The following ARMC9 variants were observed in gnomAD, a reference collection of about 807,000 sequenced individuals.
ARMC9 encodes the protein armadillo repeat containing 9.
A neutral mutation model predicts 107.0 loss-of-function variants in ARMC9; 94 were observed. That is an observed-to-expected ratio of 0.88 (90% CI 0.74 to 1.04). The LOEUF (loss-of-function observed/expected upper bound fraction) is 1.04, where lower values mean the gene tolerates loss of function less well. Ranked by LOEUF, ARMC9 falls within the 50% of genes least tolerant of loss-of-function variation. The pLI, the probability that ARMC9 is intolerant of heterozygous loss-of-function variation, is 0.00. For synonymous variants in ARMC9, 380 were observed against 396.9 expected (o/e 0.96, Z 0.51); for missense variants, 942 against 1,030.1 (o/e 0.91, Z 1.17).
At chr2:231,307,245 A>T (rs1319177118) in intron 19 of ARMC9, among the ~76,000 whole-genome samples, 1 of 152,202 alleles carries the variant, frequency 6.6e-6, no homozygotes. Flanking sequence ...AGTATAGGTG[A>T]GGTGGCATAA....
intron 21 of ARMC9, among the ~76,000 whole-genome samples, chr2:231,352,815 A>C (rs1160511608): frequency 6.7e-6 from 1 of 149,566 alleles, no homozygotes; most frequent in African/African-American, 2.6e-5. Context: ...TTGTTGCAAT[A>C]TTATTCATAA....
intron 10 of ARMC9, among the ~76,000 whole-genome samples, chr2:231,257,837 A>G (rs1029754883): frequency 1.3e-5 from 2 of 152,182 alleles, no homozygotes; most frequent in African/African-American, 4.8e-5. Flanking sequence ...TAGACTGCAA[A>G]CCTCATTTAG....
chr2:231,254,648 A>G (rs568465247), intron 9 of ARMC9, among the ~76,000 whole-genome samples: 1 of 151,422 alleles, frequency 6.6e-6, no homozygotes, highest in Non-Finnish European at 1.5e-5. Flanking sequence ...GTGAGACCCT[A>G]TCTATAAAAA....
intron 18 of ARMC9, chr2:231,293,762 C>T (rs1489287496): frequency 6.6e-6 from 1 of 152,158 alleles, no homozygotes; most frequent in African/African-American, 2.4e-5. Flanking sequence ...ATCTCAAGCA[C>T]CTAAGTTATT....
At chr2:231,296,073 C>A in intron 18 of ARMC9, 125 bp from the exon 19 acceptor site, 1 of 596,120 alleles carries the variant, frequency 1.7e-6, no homozygotes, top group Non-Finnish European at 2.9e-6. Flanking sequence ...TGGTTAGGAG[C>A]ATGATGACTT....
At chr2:231,327,964 T>C (rs2043445272) in intron 19 of ARMC9, among the ~76,000 whole-genome samples, 1 of 152,166 alleles carries the variant, frequency 6.6e-6, no homozygotes, top group Non-Finnish European at 1.5e-5. Context: ...TTTGTTTTTT[T>C]CGTAGAGACG....
chr2:231,369,757 C>A (rs992647864), intron 23 of ARMC9, among the ~76,000 whole-genome samples, 196 bp from the exon 24 acceptor site: 1 of 151,494 alleles, frequency 6.6e-6, no homozygotes, highest in Non-Finnish European at 1.5e-5. Flanking sequence ...CCGCGCCCGG[C>A]TAATTTTTGA....
chr2:231,307,358 T>C (rs2042091926), intron 19 of ARMC9, among the ~76,000 whole-genome samples: 1 of 152,114 alleles, frequency 6.6e-6, no homozygotes, highest in Non-Finnish European at 1.5e-5. Context: ...TTAGGGCAGG[T>C]GGATAATGGC....
intron 12 of ARMC9, chr2:231,270,607 A>G (rs779885666): frequency 2.1e-6 from 1 of 478,960 alleles, no homozygotes. Flanking sequence ...CTTTTTTAAC[A>G]GTCCATTTAT....
chr2:231,282,234 G>T, intron 17 of ARMC9, 101 bp downstream of exon 17: 1 of 1,206,582 alleles, frequency 8.3e-7, no homozygotes, highest in Non-Finnish European at 1.2e-6. Flanking sequence ...GAAAGGCTCA[G>T]ATCCGTTCCA....
intron 9 of ARMC9, among the ~76,000 whole-genome samples, chr2:231,246,812 A>C (rs1559346558): frequency 6.6e-6 from 1 of 152,062 alleles, no homozygotes; most frequent in Non-Finnish European, 1.5e-5. Context: ...GAACACATAC[A>C]GAGCTTTTTT....
intron 23 of ARMC9, among the ~76,000 whole-genome samples, chr2:231,363,434 C>T (rs1210450635): frequency 2.0e-5 from 3 of 152,048 alleles, no homozygotes; most frequent in East Asian, 3.9e-4. Flanking sequence ...CCAGGAAGCC[C>T]TTGGGGCAGA....
rs143834687 is a variant in ARMC9, at chr2:231,353,666, C to G, written c.1995-2132C>G. Among the ~76,000 whole-genome samples the G allele has an allele frequency of 5.4e-3, 822 of 151,782 alleles. 9 individuals are homozygous for G. The highest frequency in any genetic ancestry group is 0.019 in the African/African-American group (773 of 41,048). Reference sequence around the variant, plus strand: ...CCCACCCCGTCCTGCCCACCACTGGCCTTCACGGCTCAGGGAGTTCCTCCT... The same window carrying G: ...CCCACCCCGTCCTGCCCACCACTGGGCTTCACGGCTCAGGGAGTTCCTCCT... On this transcript the variant is annotated intron_variant, in intron 21 of 24. Transcript: ENST00000611582.
At chr2:231,288,312 C>A (rs1462931132) in intron 17 of ARMC9, among the ~76,000 whole-genome samples, 1 of 152,084 alleles carries the variant, frequency 6.6e-6, no homozygotes, top group African/African-American at 2.4e-5. Flanking sequence ...GAAGGAAATA[C>A]TTCAGAATGT....
chr2:231,199,219 G>A (rs1317203230), intron 1 of ARMC9, among the ~76,000 whole-genome samples: 2 of 152,204 alleles, frequency 1.3e-5, no homozygotes, highest in African/African-American at 4.8e-5. Context: ...GAATTCAAAA[G>A]CTGCCGCTGC....
chr2:231,200,485 C>T (rs529297504), intron 1 of ARMC9, among the ~76,000 whole-genome samples: 1 of 152,276 alleles, frequency 6.6e-6, no homozygotes, highest in South Asian at 2.1e-4. Context: ...CCAGCCTGGC[C>T]AACCTGGTGA....
At chr2:231,205,442 T>C (rs2031828250) in intron 1 of ARMC9, among the ~76,000 whole-genome samples, 1 of 152,190 alleles carries the variant, frequency 6.6e-6, no homozygotes, top group Non-Finnish European at 1.5e-5. Flanking sequence ...CTTCAGTGAG[T>C]TGTCTCAGAT....
chr2:231,312,628 A>AT (rs747350891), intron 19 of ARMC9, among the ~76,000 whole-genome samples: 24 of 144,316 alleles, frequency 1.7e-4, no homozygotes, highest in East Asian at 1.4e-3. Context: ...AAAATCTAAG[A>AT]TTTTTTTTTC....
chr2:231,271,015 G>T lies in ARMC9; in HGVS notation c.1153G>T (p.Asp385Tyr). 1 of 1,614,178 alleles carries T rather than the reference G, an allele frequency of 6.2e-7. No homozygotes were observed. The highest frequency in any genetic ancestry group is 8.5e-7 in the Non-Finnish European group (1 of 1,180,040). Residue 385 changes from aspartate to tyrosine, a missense_variant, in exon 13 of 25, where the codon GAC becomes TAC. Asp to Tyr is a radical substitution (Grantham distance 160). Coordinates refer to ENST00000611582, the MANE Select transcript of ARMC9 (RefSeq NM_001352754.2). Reference protein sequence around the residue: ...SVLQLLHSTSDVVRQYMARLI... With the variant: ...SVLQLLHSTSYVVRQYMARLI... ...GCTTCAGTTGCTGCACTCCACGAGCGACGTGGTGCGGCAGTACATGGCCAG... is the reference window on the plus strand; with the variant it reads ...GCTTCAGTTGCTGCACTCCACGAGCTACGTGGTGCGGCAGTACATGGCCAG...
Sources: gnomAD v4.1 joint callset for allele counts (sites outside exome capture counted in the v4.1 genomes callset) on GRCh38, gnomAD v4.1.1 for gene constraint, MANE v1.5 for transcripts, NCBI Gene and HGNC (gene_info 2026-07-23, HGNC 2026-07-21) for gene names.